The following HEPH variants were observed in gnomAD, a reference collection of about 807,000 sequenced individuals.
The protein encoded by HEPH is hephaestin.
A neutral mutation model predicts 80.8 loss-of-function variants in HEPH; 69 were observed. That is an observed-to-expected ratio of 0.85 (90% CI 0.70 to 1.04). HEPH has a LOEUF of 1.04. HEPH is among the 50% of genes least tolerant of loss of function. The pLI is 0.00. For missense variants in HEPH, 1,115 were observed against 891.3 expected (o/e 1.25, Z -3.20); for synonymous variants, 431 against 322.8 (o/e 1.34, Z -3.60).
At chrX:66,262,719 C>T (rs2091409251) in intron 19 of HEPH, among the ~76,000 whole-genome samples, 1 of 111,313 alleles carries the variant, frequency 9.0e-6, no homozygotes, top group Non-Finnish European at 1.9e-5. Context: ...TGGAGTCTCA[C>T]TTGGTCAGGA....
chrX:66,263,632 C>T lies in HEPH; in HGVS notation c.3200-12C>T, dbSNP rs781306015. ...ATAAGGCTAACCTCTTGTCTTTTTT[C>T]CCCCCAACCAGAACACTTAAGCCCT... On this transcript the variant is annotated splice_polypyrimidine_tract_variant and intron_variant, in intron 19 of 20. Transcript: ENST00000343002. 11 of 1,205,941 alleles carry T rather than the reference C, an allele frequency of 9.1e-6. No individual in the cohort carries two copies. Among genetic ancestry groups the T allele is most frequent in the South Asian group, 5.3e-5 (3 of 56,505 alleles).
At chrX:66,264,267 G>GTAAAATATATATATTAAATATATATA (rs1569421721) in intron 20 of HEPH, among the ~76,000 whole-genome samples, 3 of 104,768 alleles carry the variant, frequency 2.9e-5, no homozygotes, top group Non-Finnish European at 5.8e-5. Context: ...ATATATATAT[G>GTAAAATATATATATTAAATATATATA]TAAAATATAT....
chrX:66,218,493 A>C (rs1189837713), intron 15 of HEPH, among the ~76,000 whole-genome samples: 2 of 112,018 alleles, frequency 1.8e-5, no homozygotes, highest in Non-Finnish European at 3.8e-5. Flanking sequence ...ACCTTTTGAC[A>C]TGAGCAATAA....
chrX:66,173,205 G>C (rs191304175), intron 3 of HEPH, among the ~76,000 whole-genome samples: 1 of 112,210 alleles, frequency 8.9e-6, no homozygotes, highest in African/African-American at 3.2e-5. Context: ...TAAGTTGACT[G>C]CAGACTGAAA....
intron 15 of HEPH, among the ~76,000 whole-genome samples, chrX:66,212,755 C>T (rs2089196477): frequency 9.0e-6 from 1 of 110,764 alleles, no homozygotes; most frequent in Non-Finnish European, 1.9e-5. Flanking sequence ...GTAATGCCTC[C>T]AGTGGTTTAT....
intron 12 of HEPH, 41 bp downstream of exon 12, chrX:66,200,793 A>G: frequency 9.4e-7 from 1 of 1,067,365 alleles, no homozygotes; most frequent in Non-Finnish European, 1.3e-6. Context: ...TTTGTTGGGT[A>G]TAGGGCCAGG....
chrX:66,186,407 G>A (rs933614316), intron 4 of HEPH, among the ~76,000 whole-genome samples: 1 of 111,823 alleles, frequency 8.9e-6, no homozygotes, highest in Non-Finnish European at 1.9e-5. Flanking sequence ...GTCTCGTGGT[G>A]CGCGGTTTCT....
intron 15 of HEPH, among the ~76,000 whole-genome samples, chrX:66,210,240 T>C (rs1409008996): frequency 8.9e-6 from 1 of 111,883 alleles, no homozygotes; most frequent in East Asian, 2.8e-4. Context: ...TCAAATAAAA[T>C]AAGAGCAGAA....
At chrX:66,192,357 A>G in intron 7 of HEPH, 59 bp downstream of exon 7, 2 of 1,046,108 alleles carry the variant, frequency 1.9e-6, no homozygotes, top group Non-Finnish European at 2.6e-6. Flanking sequence ...CCAAACATTT[A>G]TTATCTTTCT....
intron 4 of HEPH, 111 bp downstream of exon 4, chrX:66,173,912 G>A (rs964803329): frequency 1.1e-5 from 5 of 452,803 alleles, no homozygotes; most frequent in African/African-American, 9.9e-5. Context: ...TGCTAATTCA[G>A]CACTCTTGTT....
At chrX:66,206,877 C>A (rs1457586746) in intron 13 of HEPH, among the ~76,000 whole-genome samples, 1 of 109,134 alleles carries the variant, frequency 9.2e-6, no homozygotes, top group Non-Finnish European at 1.9e-5. Flanking sequence ...AGTAGCCGGG[C>A]GTGGTGGCGC....
chrX:66,208,631 C>CATATATATAT (rs56924616), intron 15 of HEPH, among the ~76,000 whole-genome samples: 5 of 35,109 alleles, frequency 1.4e-4, no homozygotes, highest in Non-Finnish European at 3.0e-4. Context: ...TATATACATA[C>CATATATATAT]ATATATATAT....
At chrX:66,164,867 G>A (rs756073337) in intron 1 of HEPH, among the ~76,000 whole-genome samples, 4 of 112,141 alleles carry the variant, frequency 3.6e-5, no homozygotes, top group Admixed American at 2.8e-4. Context: ...GACCAGATTG[G>A]CACAGAGTAA....
intron 10 of HEPH, among the ~76,000 whole-genome samples, chrX:66,198,156 C>G (rs1367773914): frequency 9.3e-6 from 1 of 107,445 alleles, no homozygotes; most frequent in Non-Finnish European, 1.9e-5. Flanking sequence ...CCCTCCTTCC[C>G]TCCCTCCCTC....
At chrX:66,200,515 C>T in intron 11 of HEPH, 25 bp from the exon 12 acceptor site, 3 of 1,150,219 alleles carry the variant, frequency 2.6e-6, no homozygotes, top group South Asian at 3.9e-5. Context: ...ATCTCCCCAC[C>T]TTGTCTTGTG....
At chrX:66,231,883 T>C (rs1168218709) in intron 15 of HEPH, among the ~76,000 whole-genome samples, 2 of 109,750 alleles carry the variant, frequency 1.8e-5, no homozygotes. Context: ...CTTCCAGTTT[T>C]TTCCCATTCA....
At chrX:66,164,171 G>C, upstream of HEPH, 1 of 747,705 alleles carries the variant, frequency 1.3e-6, no homozygotes, top group Non-Finnish European at 1.6e-6. Flanking sequence ...TCCTAACCAG[G>C]ATTTGTAAAA....
chrX:66,208,623 T>TATAC (rs1202173739), intron 15 of HEPH, among the ~76,000 whole-genome samples: 9 of 57,117 alleles, frequency 1.6e-4, no homozygotes, highest in East Asian at 1.3e-3. Flanking sequence ...ATCTCAAATA[T>TATAC]ATACATACAT....
chrX:66,230,971 A>T (rs1192850047), intron 15 of HEPH, among the ~76,000 whole-genome samples: 4 of 107,322 alleles, frequency 3.7e-5, no homozygotes, highest in Non-Finnish European at 7.7e-5. Flanking sequence ...TAAGGAAAGG[A>T]TCCAGTTTCA....
Sources: allele counts gnomAD v4.1 joint callset (sites outside exome capture counted in the v4.1 genomes callset), GRCh38; gene constraint gnomAD v4.1.1; transcripts MANE v1.5; gene names NCBI Gene and HGNC (gene_info 2026-07-23, HGNC 2026-07-21).